The following MTR variants were observed in gnomAD, a reference collection of about 807,000 sequenced individuals.
The protein encoded by MTR is methionine synthase.
In MTR, 84 loss-of-function variants were observed where a neutral mutation model predicts 154.8. The ratio of observed to expected loss-of-function variants is 0.54; its 90% CI spans 0.45 to 0.65. The LOEUF is 0.65. Ranked by LOEUF, MTR falls within the 30% of genes least tolerant of loss-of-function variation. MTR has a pLI of 0.00. For missense variants in MTR, 1,275 were observed against 1,570.2 expected (o/e 0.81, Z 3.18); for synonymous variants, 554 against 553.9 (o/e 1.00, Z 0.00).
chr1:236,854,389 T>A (rs1376546696), intron 18 of MTR, among the ~76,000 whole-genome samples: 1 of 152,228 alleles, frequency 6.6e-6, no homozygotes, highest in Non-Finnish European at 1.5e-5. Context: ...CAAGTTCTAC[T>A]TCTCAGCACA....
intron 11 of MTR, among the ~76,000 whole-genome samples, chr1:236,828,001 G>A (rs1662391871): frequency 6.6e-6 from 1 of 151,866 alleles, no homozygotes; most frequent in African/African-American, 2.4e-5. Flanking sequence ...TTTTTGGGAT[G>A]GAGTCTTGCT....
chr1:236,895,433 G>T lies in MTR; in HGVS notation c.3481G>T (p.Ala1161Ser). The T allele has an allele frequency of 6.2e-7, 1 of 1,602,776 alleles. No homozygotes were observed. Among genetic ancestry groups the T allele is most frequent in the Admixed American group, 1.7e-5 (1 of 58,814 alleles). ...AYCGSEQLDV[A>S]DLRRLRYKGI... ...CTGTGGCAGTGAGCAGCTGGACGTC[G>T]CAGACCTGCGCAGGCTGCGGTACAA... Residue 1161 changes from alanine (A) to serine (S), a missense_variant, in exon 31 of 33, where the codon GCA (alanine) becomes TCA (serine). Physicochemically the swap from Ala to Ser is moderately conservative, Grantham distance 99 (BLOSUM62 1). Coordinates refer to ENST00000366577, the MANE Select transcript of MTR (RefSeq NM_000254.3).
chr1:236,796,996 AT>A (rs1660428239), intron 1 of MTR, among the ~76,000 whole-genome samples: 1 of 151,952 alleles, frequency 6.6e-6, no homozygotes, highest in Non-Finnish European at 1.5e-5. Context: ...AAGACTTAAA[AT>A]ACTGTGAATA....
At chr1:236,893,861 C>T (rs1230349381) in intron 29 of MTR, among the ~76,000 whole-genome samples, 2 of 152,156 alleles carry the variant, frequency 1.3e-5, no homozygotes, top group Non-Finnish European at 2.9e-5. Context: ...ACATGGCAGG[C>T]AGCACATGGC....
intron 22 of MTR, among the ~76,000 whole-genome samples, chr1:236,864,702 GC>G (rs1394357734): frequency 6.6e-6 from 1 of 152,196 alleles, no homozygotes; most frequent in African/African-American, 2.4e-5. Context: ...AGTCTACAAA[GC>G]ATTTCTGCTA....
intron 32 of MTR, 34 bp from the exon 33 acceptor site, chr1:236,897,524 G>C: frequency 6.3e-7 from 1 of 1,583,254 alleles, no homozygotes; most frequent in Non-Finnish European, 8.7e-7. Flanking sequence ...GTCTTATCAT[G>C]TTGGTTTAAT....
intron 18 of MTR, among the ~76,000 whole-genome samples, chr1:236,859,007 T>C (rs747575807): frequency 1.3e-5 from 2 of 152,252 alleles, no homozygotes; most frequent in Non-Finnish European, 2.9e-5. Flanking sequence ...TGACATATAC[T>C]CCCTTTCTTT....
Position 236,795,397 on chromosome 1 carries a change from C to T in MTR, c.-307C>T, listed in dbSNP as rs369473911. The T allele has an allele frequency of 3.5e-6, 5 of 1,434,192 alleles. No individual in the cohort carries two copies. In the African/African-American group the frequency reaches 7.1e-5, roughly 20 times the overall value. 88.8% of individuals were successfully genotyped at this position (1,434,192 alleles called of 1,614,324 possible). A position where few individuals can be genotyped will look rare whatever the true frequency, so the allele number is the denominator to read the frequency against. ...TCTCTTGGGTCCTTTTCCGTGCCGT[C>T]CCGCGACTCCGCCTCTGGCCGCGCG... On this transcript the variant is annotated 5_prime_UTR_variant, in exon 1 of 33. Transcript: ENST00000366577.
chr1:236,858,361 G>C (rs143680098), intron 18 of MTR, among the ~76,000 whole-genome samples: 1 of 152,110 alleles, frequency 6.6e-6, no homozygotes, highest in Admixed American at 6.5e-5. Context: ...GGAAAGACCC[G>C]TCTCCATGAT....
At chr1:236,896,559 T>G (rs1666634880) in intron 31 of MTR, among the ~76,000 whole-genome samples, 1 of 152,236 alleles carries the variant, frequency 6.6e-6, no homozygotes, top group African/African-American at 2.4e-5. Flanking sequence ...AAACTGTCTC[T>G]TCTTTCTCAC....
At chr1:236,819,323 C>T (rs1304248360) in intron 8 of MTR, among the ~76,000 whole-genome samples, 1 of 152,152 alleles carries the variant, frequency 6.6e-6, no homozygotes, top group East Asian at 1.9e-4. Flanking sequence ...TTGCTGTTTC[C>T]AGAATGGTAT....
At position 236,891,125 on chromosome 1, in the gene MTR, T is replaced by A; in HGVS notation, c.3008-8T>A. On this transcript the variant is annotated splice_polypyrimidine_tract_variant and splice_region_variant and intron_variant, in intron 28 of 32. Coordinates refer to ENST00000366577, the MANE Select transcript of MTR (RefSeq NM_000254.3). Reference sequence around the variant, plus strand: ...TTTAAGTGAATTCTAATTCTGTTTTTCTAATAGGTGGAGAGGCCAGGAAGG... The same window carrying A: ...TTTAAGTGAATTCTAATTCTGTTTTACTAATAGGTGGAGAGGCCAGGAAGG... 6.2e-7 allele frequency: 1 copy of A among 1,614,152 alleles called. No individual in the cohort carries two copies. The highest frequency in any genetic ancestry group is 8.5e-7 in the Non-Finnish European group (1 of 1,180,000).
intron 27 of MTR, 81 bp from the exon 28 acceptor site, chr1:236,889,100 G>A: frequency 6.4e-7 from 1 of 1,553,336 alleles, no homozygotes; most frequent in Non-Finnish European, 8.9e-7. Flanking sequence ...GGAGTTGGCA[G>A]AGCAGTGAGG....
chr1:236,889,122 A>T lies in MTR; in HGVS notation c.2852-59A>T. ...GCAGAGCAGTGAGGAGCTGGCAGGG[A>T]GGCCTCCATCAGGCAGGGTGCCAGC... On this transcript the variant is annotated intron_variant, in intron 27 of 32. Coordinates refer to ENST00000366577, the MANE Select transcript of MTR (RefSeq NM_000254.3). The T allele has an allele frequency of 1.9e-6, 3 of 1,601,782 alleles. No homozygotes were observed. In the South Asian group the frequency reaches 3.3e-5, roughly 18 times the overall value.
chr1:236,845,706 T>G (rs1254033602), intron 15 of MTR, among the ~76,000 whole-genome samples: 1 of 152,224 alleles, frequency 6.6e-6, no homozygotes, highest in Non-Finnish European at 1.5e-5. Flanking sequence ...TTAAATATTA[T>G]GCAGATTATG....
rs192832732 is a variant in MTR at position 236,877,994 on chromosome 1, T to C, written c.2595-2761T>C. Among the ~76,000 whole-genome samples, 52 of 152,360 alleles carry C rather than the reference T, an allele frequency of 3.4e-4. No homozygotes were observed. The East Asian group carries it at 7.3e-3, about 21-fold the overall frequency. ...CATTTATATATTGACCATTTGGATA[T>C]GCTTTTTAAATATTTTTAAAAATTG... On this transcript the variant is annotated intron_variant, in intron 24 of 32. Transcript: ENST00000366577.
At position 236,899,412 on chromosome 1, in the gene MTR, C is replaced by T. The variant is rs1483878653; in HGVS notation, c.*1768C>T. ...AAAATGACCTGGTGACATGGCAAGTCAGTGGGGACAGGAAGGACCACTCCC... is the reference window on the plus strand; with the variant it reads ...AAAATGACCTGGTGACATGGCAAGTTAGTGGGGACAGGAAGGACCACTCCC... On this transcript the variant is annotated 3_prime_UTR_variant, in exon 33 of 33. Transcript: ENST00000366577. 2 of 152,176 alleles carry T rather than the reference C, an allele frequency of 1.3e-5. No individual in the cohort carries two copies. Among genetic ancestry groups the T allele is most frequent in the Non-Finnish European group, 2.9e-5 (2 of 68,036 alleles). The allele number at this position is 152,176 out of a possible 1,614,324, so 9.4% of individuals were successfully genotyped here. A position where few individuals can be genotyped will look rare whatever the true frequency, so the allele number is the denominator to read the frequency against.
At chr1:236,860,518 C>A (rs1664476423) in intron 19 of MTR, among the ~76,000 whole-genome samples, 1 of 151,550 alleles carries the variant, frequency 6.6e-6, no homozygotes, top group Non-Finnish European at 1.5e-5. Context: ...GAACTGGGGA[C>A]CTTGGAGGAG....
chr1:236,845,783 T>C (rs1558305987), intron 15 of MTR, among the ~76,000 whole-genome samples: 1 of 152,166 alleles, frequency 6.6e-6, no homozygotes, highest in Non-Finnish European at 1.5e-5. Flanking sequence ...AAAGCAAAAA[T>C]CCTGTATACT....
Sources: gnomAD v4.1 joint callset for allele counts (sites outside exome capture counted in the v4.1 genomes callset) on GRCh38, gnomAD v4.1.1 for gene constraint, MANE v1.5 for transcripts, NCBI Gene and HGNC (gene_info 2026-07-23, HGNC 2026-07-21) for gene names.